The following ITFG1 variants were observed in gnomAD, a reference collection of about 807,000 sequenced individuals.
The protein encoded by ITFG1 is T-cell immunomodulatory protein.
In ITFG1, 34 loss-of-function variants were observed where a neutral mutation model predicts 81.8. The ratio of observed to expected loss-of-function variants is 0.42; its 90% confidence interval spans 0.32 to 0.55. The LOEUF is 0.55. ITFG1 is among the 20% of genes least tolerant of loss of function. ITFG1 has a pLI of 0.17. For missense variants in ITFG1, 672 were observed against 755.4 expected, an observed-to-expected ratio of 0.89 and a Z score of 1.29; for synonymous variants, 285 against 270.6, an observed-to-expected ratio of 1.05 and a Z score of -0.52.
At chr16:47,322,912 C>G (rs1967470093) in intron 8 of ITFG1, among the ~76,000 whole-genome samples, 1 of 152,100 alleles carries the variant, frequency 6.6e-6, no homozygotes, top group Admixed American at 6.6e-5. Flanking sequence ...AAAGGACATT[C>G]AGGATGATTA....
chr16:47,180,371 C>T (rs1167855959), intron 14 of ITFG1, among the ~76,000 whole-genome samples: 2 of 151,596 alleles, frequency 1.3e-5, no homozygotes, highest in African/African-American at 2.4e-5. Context: ...CTCTCCCTCC[C>T]CCTCCCCCTC....
At position 47,444,083 on chromosome 16, in the gene ITFG1, T is replaced by G. The variant is rs1969291404; in HGVS notation, c.560+7313A>C. 2.6e-5 allele frequency among the ~76,000 whole-genome samples: 4 copies of G among 152,282 alleles called. No homozygotes were observed. In the South Asian group the frequency reaches 8.3e-4, roughly 32 times the overall value. On this transcript the variant is annotated intron_variant, in intron 5 of 17. Coordinates refer to ENST00000320640, the MANE Select transcript of ITFG1 (RefSeq NM_030790.5). Reference sequence around the variant, plus strand: ...CGAGAATGAGTGTGACCTTGTTTTTTATTTTCAATTCAAATAAATGTGCTA... The same window carrying G: ...CGAGAATGAGTGTGACCTTGTTTTTGATTTTCAATTCAAATAAATGTGCTA...
intron 7 of ITFG1, among the ~76,000 whole-genome samples, chr16:47,372,471 T>C (rs1309998177): frequency 1.3e-5 from 2 of 151,246 alleles, no homozygotes; most frequent in Non-Finnish European, 2.9e-5. Flanking sequence ...TTTTTTTTTA[T>C]TTTTTGAGAT....
intron 6 of ITFG1, among the ~76,000 whole-genome samples, chr16:47,418,828 T>C (rs1236392397): frequency 1.3e-5 from 2 of 152,206 alleles, no homozygotes; most frequent in African/African-American, 4.8e-5. Context: ...GGCAGTGTGA[T>C]GCTTCCAGAA....
At chr16:47,252,455 A>C (rs1966087562) in intron 12 of ITFG1, among the ~76,000 whole-genome samples, 1 of 152,228 alleles carries the variant, frequency 6.6e-6, no homozygotes. Flanking sequence ...GTCCTAGGGG[A>C]AACAGGGTTC....
chr16:47,301,315 CCTTA>C (rs1967072279), intron 10 of ITFG1, among the ~76,000 whole-genome samples: 1 of 151,934 alleles, frequency 6.6e-6, no homozygotes, highest in Non-Finnish European at 1.5e-5. Flanking sequence ...CCTGCAAGTG[CCTTA>C]CTGAGTCTGT....
At chr16:47,356,762 A>C (rs1475080314) in intron 8 of ITFG1, among the ~76,000 whole-genome samples, 2 of 152,202 alleles carry the variant, frequency 1.3e-5, no homozygotes, top group Admixed American at 6.5e-5. Context: ...ATTTACACAG[A>C]GTGAAAATGT....
chr16:47,425,589 CTT>C (rs552533924), intron 6 of ITFG1, among the ~76,000 whole-genome samples: 176 of 135,154 alleles, frequency 1.3e-3, no homozygotes, highest in African/African-American at 4.2e-3. Context: ...AGTGACGCTC[CTT>C]TTTTTTTTTT....
At chr16:47,197,595 G>A (rs998944920) in intron 14 of ITFG1, among the ~76,000 whole-genome samples, 3 of 152,146 alleles carry the variant, frequency 2.0e-5, no homozygotes, top group Non-Finnish European at 2.9e-5. Context: ...AATGTTCCCC[G>A]GGCCATGGTC....
At position 47,365,825 on chromosome 16, in the gene ITFG1, A is replaced by G. The variant is rs753341067; in HGVS notation, c.765T>C (p.Asn255=). ...ATGCTGACTGTCCAACCACCATCAT[A>G]TTTTGAGGTTTTTCCAATATAGTAC... The part of the protein sequence containing the change: ...SVSTILEKPQ[N]MMVVGQSAFA... Residue 255 remains asparagine, a synonymous_variant, in exon 8 of 18, where the codon AAT becomes AAC. Coordinates refer to ENST00000320640, the MANE Select transcript of ITFG1 (RefSeq NM_030790.5). 7 of 1,605,976 alleles carry G rather than the reference A, an allele frequency of 4.4e-6. No homozygotes were observed. In the Admixed American group the frequency reaches 8.4e-5, roughly 19 times the overall value.
At position 47,311,003 on chromosome 16, in the gene ITFG1, C is replaced by T. The variant is rs9933076; in HGVS notation, c.1070+237G>A. On this transcript the variant is annotated intron_variant, in intron 10 of 17. Coordinates refer to ENST00000320640, the MANE Select transcript of ITFG1 (RefSeq NM_030790.5). Reference sequence around the variant, plus strand: ...TTATTGAGTGAAATATAACTGTTTGCTTTAGACTAAATGTTCATTTTTGTT... The same window carrying T: ...TTATTGAGTGAAATATAACTGTTTGTTTTAGACTAAATGTTCATTTTTGTT... 6.9e-3 allele frequency among the ~76,000 whole-genome samples: 1,035 copies of T among 150,556 alleles called. 12 individuals are homozygous for T. The highest frequency in any genetic ancestry group is 0.024 in the African/African-American group (984 of 40,958).
At chr16:47,208,914 G>A (rs1478044409) in intron 14 of ITFG1, among the ~76,000 whole-genome samples, 1 of 151,920 alleles carries the variant, frequency 6.6e-6, no homozygotes, top group Non-Finnish European at 1.5e-5. Context: ...GGGAAGTGAG[G>A]GTATCTGGGA....
chr16:47,263,058 G>A (rs1053278138), intron 10 of ITFG1: 4 of 223,528 alleles, frequency 1.8e-5, no homozygotes, highest in South Asian at 8.0e-5. Flanking sequence ...CTGTTGGCTC[G>A]GCAAAGTCAA....
At chr16:47,428,970 T>C (rs1969059096) in intron 5 of ITFG1, 72 bp from the exon 6 acceptor site, 1 of 848,056 alleles carries the variant, frequency 1.2e-6, no homozygotes, top group South Asian at 1.6e-5. Context: ...TAAAAATCTC[T>C]GCATGCAAAA....
chr16:47,386,239 C>T (rs2151594156), intron 6 of ITFG1, among the ~76,000 whole-genome samples: 1 of 152,184 alleles, frequency 6.6e-6, no homozygotes, highest in Non-Finnish European at 1.5e-5. Context: ...AACGAAGAAA[C>T]ATTTATTCAA....
At chr16:47,308,058 C>A (rs1967198253) in intron 10 of ITFG1, among the ~76,000 whole-genome samples, 1 of 152,144 alleles carries the variant, frequency 6.6e-6, no homozygotes, top group African/African-American at 2.4e-5. Flanking sequence ...TGATGGGCAC[C>A]TACATTGATT....
intron 10 of ITFG1, among the ~76,000 whole-genome samples, chr16:47,288,899 G>C (rs1966880845): frequency 6.6e-6 from 1 of 152,108 alleles, no homozygotes; most frequent in Non-Finnish European, 1.5e-5. Flanking sequence ...CTTAAAAAAG[G>C]TGAAGTAAAA....
Position 47,278,711 on chromosome 16 carries a change from G to T in ITFG1, c.1071-18016C>A, listed in dbSNP as rs189913353. On this transcript the variant is annotated intron_variant, in intron 10 of 17. Coordinates refer to ENST00000320640, the MANE Select transcript of ITFG1 (RefSeq NM_030790.5). ...TCTAATGCTGTTACTCTAGGGAAAA[G>T]CCAGTAGTGGCAATGGGGAGGAAGG... 1.7e-3 allele frequency among the ~76,000 whole-genome samples: 255 copies of T among 152,318 alleles called. 2 individuals are homozygous for T. The highest frequency in any genetic ancestry group is 2.9e-3 in the Non-Finnish European group (200 of 68,020).
At chr16:47,199,998 T>G (rs1043146966) in intron 14 of ITFG1, among the ~76,000 whole-genome samples, 2 of 134,140 alleles carry the variant, frequency 1.5e-5, no homozygotes, top group Non-Finnish European at 3.2e-5. Flanking sequence ...GCTCAGGCCA[T>G]AATGTGAGTG....
Sources: gnomAD v4.1 joint callset for allele counts (sites outside exome capture counted in the v4.1 genomes callset) on GRCh38, gnomAD v4.1.1 for gene constraint, MANE v1.5 for transcripts, NCBI Gene and HGNC (gene_info 2026-07-23, HGNC 2026-07-21) for gene names.